Variants in COL24A1 observed in about 807,000 individuals in gnomAD.
COL24A1 encodes the protein collagen alpha-1(XXIV) chain.
A neutral mutation model predicts 253.9 loss-of-function variants in COL24A1; 224 were observed. That is an observed-to-expected ratio of 0.88 (90% confidence interval 0.79 to 0.99). The LOEUF (loss-of-function observed/expected upper bound fraction) is 0.99, where lower values mean the gene tolerates loss of function less well. Among genes scored for constraint, COL24A1 ranks in the 50% least tolerant of loss-of-function variants. The pLI is 0.00. For missense variants in COL24A1, 2,131 were observed against 2,068.5 expected (o/e 1.03, Z -0.59); for synonymous variants, 685 against 673.7 (o/e 1.02, Z -0.26).
intron 45 of COL24A1, among the ~76,000 whole-genome samples, chr1:85,821,709 C>T (rs777590157): frequency 2.0e-5 from 3 of 152,128 alleles, no homozygotes; most frequent in Non-Finnish European, 4.4e-5. Flanking sequence ...CTGGATTATA[C>T]AGAATTTAAA....
intron 19 of COL24A1, among the ~76,000 whole-genome samples, chr1:85,988,306 T>C (rs1693919108): frequency 6.6e-6 from 1 of 151,998 alleles, no homozygotes; most frequent in Non-Finnish European, 1.5e-5. Flanking sequence ...TTACTTTAAA[T>C]TTGCATGAGA....
At position 85,917,485 on chromosome 1, in the gene COL24A1, G is replaced by T. The variant is rs1276174737; in HGVS notation, c.2563-6052C>A. Reference sequence around the variant, plus strand: ...TTAAGATTTCCTAAATTTTCTTGATGATTTTCAGGAATTTTTATATATTTG... The same window carrying T: ...TTAAGATTTCCTAAATTTTCTTGATTATTTTCAGGAATTTTTATATATTTG... On this transcript the variant is annotated intron_variant, in intron 24 of 59. Transcript: ENST00000370571. Among the ~76,000 whole-genome samples the T allele has an allele frequency of 2.6e-5, 4 of 151,738 alleles. No individual in the cohort carries two copies. The East Asian group carries it at 7.7e-4, about 29-fold the overall frequency.
chr1:86,122,708 T>C (rs561725006), intron 3 of COL24A1, among the ~76,000 whole-genome samples: 2 of 152,152 alleles, frequency 1.3e-5, no homozygotes, highest in South Asian at 2.1e-4. Flanking sequence ...TTCCTAGTTC[T>C]ACCAAGTCTT....
intron 37 of COL24A1, among the ~76,000 whole-genome samples, chr1:85,862,558 C>G (rs976273249): frequency 6.6e-6 from 1 of 152,142 alleles, no homozygotes; most frequent in Non-Finnish European, 1.5e-5. Flanking sequence ...AGCTCCAACC[C>G]GTTTGTTTTG....
At chr1:86,140,728 C>T (rs1184820329) in intron 2 of COL24A1, among the ~76,000 whole-genome samples, 1 of 152,194 alleles carries the variant, frequency 6.6e-6, no homozygotes, top group East Asian at 1.9e-4. Context: ...GCCAACATCT[C>T]ACTGGCAGCC....
At chr1:86,063,955 T>A (rs41313268) in intron 7 of COL24A1, among the ~76,000 whole-genome samples, 196 bp from the exon 8 acceptor site, 4 of 151,754 alleles carry the variant, frequency 2.6e-5, no homozygotes, top group Non-Finnish European at 5.9e-5. Context: ...AAATAAAAAA[T>A]TAATTCTTAT....
chr1:85,792,361 T>A (rs1042947682), intron 47 of COL24A1, among the ~76,000 whole-genome samples: 1 of 151,598 alleles, frequency 6.6e-6, no homozygotes, highest in African/African-American at 2.4e-5. Flanking sequence ...AAATAATATA[T>A]GGTTCTTGTT....
chr1:85,860,734 C>T (rs900110765), intron 37 of COL24A1, among the ~76,000 whole-genome samples: 15 of 152,204 alleles, frequency 9.9e-5, no homozygotes, highest in African/African-American at 3.6e-4. Context: ...GAGCAAGACT[C>T]TGTCTCAAAA....
chr1:86,102,980 T>C (rs1411953060), intron 5 of COL24A1, among the ~76,000 whole-genome samples: 2 of 152,206 alleles, frequency 1.3e-5, no homozygotes, highest in African/African-American at 4.8e-5. Flanking sequence ...CAGTGGGGTA[T>C]GAAAGTATCC....
rs1289716879 is a variant in COL24A1, at chr1:85,877,159, TGCAGTCCTC to T, written c.2984_2992del (p.Arg995_Leu997del). The T allele has an allele frequency of 1.2e-6, 2 of 1,606,244 alleles. No individual in the cohort carries two copies. The highest frequency in any genetic ancestry group is 1.7e-6 in the Non-Finnish European group (2 of 1,176,408). ...TTCTCCAGGAGGTCCAACATCACCTTGCAGTCCTCGCAGTCCCTATATTAAAATAAAATT... is the reference window on the plus strand; with the variant it reads ...TTCTCCAGGAGGTCCAACATCACCTTGCAGTCCCTATATTAAAATAAAATT... On this transcript the variant is annotated inframe_deletion, in exon 33 of 60. Transcript: ENST00000370571.
intron 53 of COL24A1, among the ~76,000 whole-genome samples, chr1:85,764,847 A>G (rs1005186353): frequency 6.6e-6 from 1 of 152,094 alleles, no homozygotes; most frequent in East Asian, 1.9e-4. Context: ...TCCTGGGCTC[A>G]AGCAATTCTT....
At chr1:85,982,306 T>C (rs1693331954) in intron 20 of COL24A1, among the ~76,000 whole-genome samples, 1 of 152,038 alleles carries the variant, frequency 6.6e-6, no homozygotes, top group African/African-American at 2.4e-5. Flanking sequence ...AAATATAGAA[T>C]TTCAGTCATG....
At chr1:86,094,155 A>G (rs752235647) in intron 5 of COL24A1, among the ~76,000 whole-genome samples, 55 of 152,116 alleles carry the variant, frequency 3.6e-4, no homozygotes, top group Non-Finnish European at 7.7e-4. Context: ...ACCCAAAGGA[A>G]TAGAAATCAT....
chr1:85,829,751 C>T (rs1381253753), intron 43 of COL24A1, among the ~76,000 whole-genome samples: 23 of 151,334 alleles, frequency 1.5e-4, no homozygotes, highest in African/African-American at 5.1e-4. Context: ...ACGTAGTTCT[C>T]GAGCCTTGGT....
chr1:86,107,047 T>C (rs1024682428), intron 5 of COL24A1, among the ~76,000 whole-genome samples: 11 of 152,236 alleles, frequency 7.2e-5, no homozygotes, highest in Admixed American at 6.5e-4. Context: ...ATAACCACTT[T>C]GTTACTATTA....
chr1:86,138,766 G>C (rs977714250), intron 2 of COL24A1, among the ~76,000 whole-genome samples: 3 of 151,946 alleles, frequency 2.0e-5, no homozygotes, highest in Non-Finnish European at 4.4e-5. Context: ...TCTCTTCACT[G>C]ATATATCTGC....
chr1:85,744,645 T>A, intron 57 of COL24A1, 21 bp downstream of exon 57: 2 of 1,572,956 alleles, frequency 1.3e-6, no homozygotes, highest in Non-Finnish European at 1.7e-6. Flanking sequence ...CTATCAGAGT[T>A]TGAGGTAACC....
At position 85,784,143 on chromosome 1, in the gene COL24A1, C is replaced by A; in HGVS notation, c.4191G>T (p.Leu1397Phe). 6.2e-7 allele frequency: 1 copy of A among 1,613,630 alleles called. No homozygotes were observed. Among genetic ancestry groups the A allele is most frequent in the South Asian group, 1.1e-5 (1 of 91,044 alleles). ...GGCCTGGGAATCCTTGGAAACCTGTCAAACCTTGAACACCATATTCTCCCT... is the reference window on the plus strand; with the variant it reads ...GGCCTGGGAATCCTTGGAAACCTGTAAAACCTTGAACACCATATTCTCCCT... ...GQPGEYGVQG[L>F]TGFQGFPGPK... The change falls in exon 50 of 60, where the codon TTG becomes TTT. Residue 1397 changes from leucine (L) to phenylalanine (F), a missense_variant. Transcript: ENST00000370571.
At chr1:86,135,565 CT>C (rs1650099040) in intron 2 of COL24A1, among the ~76,000 whole-genome samples, 1 of 151,588 alleles carries the variant, frequency 6.6e-6, no homozygotes, top group African/African-American at 2.4e-5. Flanking sequence ...TCTTATTTGT[CT>C]TTACTGTTTC....
Sources: allele counts gnomAD v4.1 joint callset (sites outside exome capture counted in the v4.1 genomes callset), GRCh38; gene constraint gnomAD v4.1.1; transcripts MANE v1.5; gene names NCBI Gene and HGNC (gene_info 2026-07-23, HGNC 2026-07-21).